Variants in STK25 observed in about 807,000 individuals in gnomAD.
STK25 encodes the protein serine/threonine kinase 25.
In STK25, 29 loss-of-function variants were observed where a neutral mutation model predicts 53.8. The ratio of observed to expected loss-of-function variants is 0.54; its 90% CI spans 0.40 to 0.74. STK25 has a LOEUF of 0.74. STK25 is among the 30% of genes least tolerant of loss of function. STK25 has a pLI of 0.00. For synonymous variants in STK25, 247 were observed against 238.3 expected, an observed-to-expected ratio of 1.04 and a Z score of -0.33; for missense variants, 420 against 568.0, an observed-to-expected ratio of 0.74 and a Z score of 2.65.
rs1307721671 is a variant in STK25, at chr2:241,493,241, T to C, written c.*2421A>G. 1 of 1,592,444 alleles carries C rather than the reference T, an allele frequency of 6.3e-7. No individual in the cohort carries two copies. The highest frequency in any genetic ancestry group is 1.3e-5 in the African/African-American group (1 of 74,564). On this transcript the variant is annotated 3_prime_UTR_variant, in exon 12 of 12. Coordinates refer to ENST00000316586, the MANE Select transcript of STK25 (RefSeq NM_001271977.2). Reference sequence around the variant, plus strand: ...TGTGCAGGTAGCAGAGGAATGGGCATTCCCTGTGGCAACCCAGCCCCTGGA... The same window carrying C: ...TGTGCAGGTAGCAGAGGAATGGGCACTCCCTGTGGCAACCCAGCCCCTGGA...
At chr2:241,497,715 G>C in intron 9 of STK25, 28 bp from the exon 10 acceptor site, 1 of 1,607,196 alleles carries the variant, frequency 6.2e-7, no homozygotes, top group Non-Finnish European at 8.5e-7. Context: ...CCCAGGGTGA[G>C]CAGGGCAGTG....
At chr2:241,504,010 G>C (rs1176593585) in intron 2 of STK25, 1 of 471,128 alleles carries the variant, frequency 2.1e-6, no homozygotes, top group Admixed American at 2.3e-5. Flanking sequence ...AACCAGGAGG[G>C]TGGAAGGGGC....
At chr2:241,500,001 G>A in intron 5 of STK25, 172 bp downstream of exon 5, 1 of 700,510 alleles carries the variant, frequency 1.4e-6, no homozygotes, top group Non-Finnish European at 2.6e-6. Flanking sequence ...GTTACAAGTA[G>A]TATCTTCTGG....
chr2:241,505,380 A>G (rs1217730899), intron 2 of STK25, among the ~76,000 whole-genome samples: 1 of 152,056 alleles, frequency 6.6e-6, no homozygotes, highest in Non-Finnish European at 1.5e-5. Context: ...GGGATTCCAG[A>G]GGTCTGTTGG....
intron 1 of STK25, 42 bp downstream of exon 1, chr2:241,508,401 C>A: frequency 9.0e-7 from 1 of 1,111,448 alleles, no homozygotes; most frequent in Non-Finnish European, 1.1e-6. Flanking sequence ...CCTCTGCCCC[C>A]TCCCCAATCG....
At position 241,501,868 on chromosome 2, in the gene STK25, T is replaced by C; in HGVS notation, c.31-160A>G. On this transcript the variant is annotated intron_variant, in intron 2 of 11. Transcript: ENST00000316586. This position sits in a 1 kb window ranked among gnomAD's most constrained non-coding sequence, Gnocchi z 5.3. ...TCTGGTTTCTTCCTTTCTCCCTTTT[T>C]GTTCAAAAACTAAACTTGGCCGGGC... is the stretch of plus-strand genomic sequence containing the variant. 3.3e-6 allele frequency: 2 copies of C among 614,226 alleles called. No individual in the cohort carries two copies. The highest frequency in any genetic ancestry group is 1.8e-5 in the African/African-American group (1 of 54,256). 38.0% of individuals were successfully genotyped at this position (614,226 alleles called of 1,614,324 possible).
At chr2:241,506,496 G>A (rs991645482) in intron 2 of STK25, among the ~76,000 whole-genome samples, 1 of 152,188 alleles carries the variant, frequency 6.6e-6, no homozygotes, top group South Asian at 2.1e-4. Flanking sequence ...GGCCGAGCGC[G>A]GTGGCTCATG....
chr2:241,499,142 G>C lies in STK25; in HGVS notation c.618C>G (p.Ile206Met), dbSNP rs370116221. The C allele has an allele frequency of 1.2e-6, 2 of 1,613,702 alleles. No individual in the cohort carries two copies. The highest frequency in any genetic ancestry group is 1.7e-6 in the Non-Finnish European group (2 of 1,179,756). Residue 206 changes from isoleucine to methionine, a missense_variant, in exon 7 of 12, where the codon ATC (isoleucine) becomes ATG (methionine). Ile to Met is a conservative substitution (Grantham distance 10). Coordinates refer to ENST00000316586, the MANE Select transcript of STK25 (RefSeq NM_001271977.2). ...TTGGAGGCTCCCCCTTGGCCAGCTC[G>C]ATGGCTGTGATCCCCAGGGACCAGA... ...ADIWSLGITA[I>M]ELAKGEPPNS...
chr2:241,504,326 C>T (rs527474145), intron 2 of STK25, among the ~76,000 whole-genome samples: 1 of 152,174 alleles, frequency 6.6e-6, no homozygotes, highest in African/African-American at 2.4e-5. Context: ...GCAGCCCAGT[C>T]CTAAAGCCAG....
chr2:241,502,064 T>C, intron 2 of STK25: 1 of 231,456 alleles, frequency 4.3e-6, no homozygotes, highest in East Asian at 1.1e-4. Context: ...CTCAGGAGGC[T>C]GAGGCAGGAG....
chr2:241,494,612 AG>A lies in STK25; in HGVS notation c.*1049del, dbSNP rs1282811031. On this transcript the variant is annotated 3_prime_UTR_variant, in exon 12 of 12. Transcript: ENST00000316586. The surrounding 1 kb of genome is among the most constrained non-coding windows in gnomAD (Gnocchi z 4.9). ...TGCTGACCTTCCATCTGGTGAACCA[AG>A]TGGCAGCCCCAGGGGCCTGCCCTGC... 1 of 152,346 alleles carries A rather than the reference AG, an allele frequency of 6.6e-6. No individual in the cohort carries two copies. Among genetic ancestry groups the A allele is most frequent in the Admixed American group, 6.5e-5 (1 of 15,294 alleles). The allele number at this position is 152,346 out of a possible 1,614,324, so 9.4% of individuals were successfully genotyped here. A position where few individuals can be genotyped will look rare whatever the true frequency, so the allele number is the denominator to read the frequency against.
At chr2:241,497,785 C>T (rs2065259121) in intron 9 of STK25, 98 bp from the exon 10 acceptor site, 4 of 1,252,488 alleles carry the variant, frequency 3.2e-6, no homozygotes, top group Non-Finnish European at 3.5e-6. Flanking sequence ...GAGACAGAGG[C>T]TGGGAGCAGC....
At position 241,501,732 on chromosome 2, in the gene STK25, A is replaced by T; in HGVS notation, c.31-24T>A. On this transcript the variant is annotated intron_variant, in intron 2 of 11. Coordinates refer to ENST00000316586, the MANE Select transcript of STK25 (RefSeq NM_001271977.2). This position sits in a 1 kb window ranked among gnomAD's most constrained non-coding sequence, Gnocchi z 5.3. ...TGCTGTGGGGCCAGGGCGGGGACAG[A>T]GGGCAGACAGCGCCGGTCACAAGAG... is the stretch of plus-strand genomic sequence containing the variant. 1 of 1,585,732 alleles carries T rather than the reference A, an allele frequency of 6.3e-7. No individual in the cohort carries two copies. The highest frequency in any genetic ancestry group is 8.6e-7 in the Non-Finnish European group (1 of 1,157,922).
chr2:241,507,097 G>A (rs2065876948), intron 2 of STK25, among the ~76,000 whole-genome samples: 2 of 152,184 alleles, frequency 1.3e-5, no homozygotes, highest in Admixed American at 6.5e-5. Context: ...GAACAAGGAG[G>A]GCCACACATT....
chr2:241,508,828 C>T (rs1032199489), upstream of STK25: 70 of 874,832 alleles, frequency 8.0e-5, no homozygotes, highest in South Asian at 1.4e-3. Context: ...GCGGGCGGGG[C>T]ACGTGGTCGT....
chr2:241,495,919 G>A (rs1559825546), intron 11 of STK25, among the ~76,000 whole-genome samples: 2 of 152,260 alleles, frequency 1.3e-5, no homozygotes, highest in Non-Finnish European at 2.9e-5. Context: ...GGGTCCCTGT[G>A]TGTGGACCAG....
chr2:241,499,246 G>A lies in STK25; in HGVS notation c.585+11C>T, dbSNP rs201214458. On this transcript the variant is annotated intron_variant, in intron 6 of 11. Transcript: ENST00000316586. ...GCATGGTGCCCGCACCTGCCCGCCC[G>A]CTGCACCCACCTTGAAGTCGTAGGC... The A allele has an allele frequency of 7.9e-4, 1,268 of 1,613,762 alleles. 14 individuals are homozygous for A. The South Asian group carries it at 0.013, about 16-fold the overall frequency.
chr2:241,498,275 C>G lies in STK25; in HGVS notation c.992G>C (p.Ser331Thr). The change falls in exon 9 of 12, where the codon AGC (serine) becomes ACC (threonine). Residue 331 changes from serine (S) to threonine (T), a missense_variant. Transcript: ENST00000316586. ...FPPTIRPSPHSKLHKGTALHS... is the reference protein window; with the variant it reads ...FPPTIRPSPHTKLHKGTALHS... ...CAGGGCCGTCCCCTTGTGAAGCTTG[C>G]TGTGTGGACTCGGCCGGATGGTAGG... is the stretch of plus-strand genomic sequence containing the variant. 1 of 1,611,906 alleles carries G rather than the reference C, an allele frequency of 6.2e-7. No individual in the cohort carries two copies. The highest frequency in any genetic ancestry group is 2.2e-5 in the East Asian group (1 of 44,810).
chr2:241,495,561 GCAC>G lies in STK25; in HGVS notation c.*98_*100del, dbSNP rs2065099109. ...CACGGGATCCGACGTGTCCCTGCAG[GCAC>G]GACATAGCACAGGGCACCTTCCAAG... On this transcript the variant is annotated 3_prime_UTR_variant, in exon 12 of 12. Coordinates refer to ENST00000316586, the MANE Select transcript of STK25 (RefSeq NM_001271977.2). The G allele has an allele frequency of 2.2e-6, 3 of 1,345,596 alleles. No homozygotes were observed. The highest frequency in any genetic ancestry group is 3.2e-6 in the Non-Finnish European group (3 of 940,110). The allele number at this position is 1,345,596 out of a possible 1,614,324, so 83.4% of individuals were successfully genotyped here.
Sources: gnomAD v4.1 joint callset for allele counts (sites outside exome capture counted in the v4.1 genomes callset) on GRCh38, gnomAD v4.1.1 for gene constraint, Gnocchi (gnomAD v3.1) non-coding constraint, MANE v1.5 for transcripts, NCBI Gene and HGNC (gene_info 2026-07-23, HGNC 2026-07-21) for gene names.